RANBP2: variants seen among roughly 807,000 people sequenced by gnomAD.
The protein encoded by RANBP2 is RAN binding protein 2, also known as E3 SUMO-protein ligase RanBP2.
RANBP2 carries 57 observed loss-of-function variants against 303.6 expected under a neutral mutation model. That is an observed-to-expected ratio of 0.19 (90% CI 0.15 to 0.23). The LOEUF (loss-of-function observed/expected upper bound fraction) is 0.23, where lower values mean the gene tolerates loss of function less well. Among genes scored for constraint, RANBP2 ranks in the 10% least tolerant of loss-of-function variants. The pLI, the probability that RANBP2 is intolerant of heterozygous loss-of-function variation, is 1.00. For missense variants in RANBP2, 3,138 were observed against 3,780.8 expected, an observed-to-expected ratio of 0.83 and a Z score of 4.46; for synonymous variants, 1,167 against 1,301.5, an observed-to-expected ratio of 0.90 and a Z score of 2.23.
chr2:109,353,606 C>T, the RANBP2 span, among the ~76,000 whole-genome samples: 1 of 152,164 alleles, frequency 6.6e-6, no homozygotes, highest in Non-Finnish European at 1.5e-5. Flanking sequence ...GGCAGGCCTG[C>T]TGGGTGAGAG....
chr2:109,185,837 C>G, the RANBP2 span, among the ~76,000 whole-genome samples: 6 of 152,232 alleles, frequency 3.9e-5, no homozygotes, highest in Non-Finnish European at 7.3e-5. Context: ...AATGAGGCGA[C>G]AGTGTCTTGT....
the RANBP2 span, among the ~76,000 whole-genome samples, chr2:109,250,789 A>G: frequency 6.6e-6 from 1 of 151,952 alleles, no homozygotes; most frequent in Non-Finnish European, 1.5e-5. Flanking sequence ...AAGTGCTTCA[A>G]TAGGGAATTA....
chr2:109,125,169 A>T, the RANBP2 span, among the ~76,000 whole-genome samples: 3 of 151,988 alleles, frequency 2.0e-5, no homozygotes, highest in Non-Finnish European at 4.4e-5. Context: ...TGCTGCTGCC[A>T]GCCACCTGCC....
chr2:109,347,779 G>A, the RANBP2 span: 2 of 1,613,892 alleles, frequency 1.2e-6, no homozygotes, highest in Admixed American at 1.7e-5. Flanking sequence ...GCGGCGCAAG[G>A]TGGATGAACA....
the RANBP2 span, among the ~76,000 whole-genome samples, chr2:109,477,624 G>A: frequency 6.6e-6 from 1 of 151,986 alleles, no homozygotes; most frequent in Non-Finnish European, 1.5e-5. Flanking sequence ...GTGTGTGTGT[G>A]TGTGTGTGTG....
the RANBP2 span, among the ~76,000 whole-genome samples, chr2:109,240,878 ATC>A: frequency 2.6e-5 from 3 of 113,562 alleles, no homozygotes; most frequent in Non-Finnish European, 1.7e-5. Flanking sequence ...ACTTGATTCC[ATC>A]TCTCTCTCTC....
At chr2:109,395,675 G>C in the RANBP2 span, among the ~76,000 whole-genome samples, 1 of 152,200 alleles carries the variant, frequency 6.6e-6, no homozygotes, top group African/African-American at 2.4e-5. Context: ...GCAGTCACTT[G>C]TGAGCAGCCT....
At chr2:109,647,363 C>T in the RANBP2 span, among the ~76,000 whole-genome samples, 2 of 151,956 alleles carry the variant, frequency 1.3e-5, no homozygotes, top group East Asian at 1.9e-4. Context: ...GGGGTTTCAC[C>T]GTGTTGGCCA....
the RANBP2 span, among the ~76,000 whole-genome samples, chr2:109,412,383 G>T: frequency 1.3e-5 from 2 of 152,256 alleles, no homozygotes; most frequent in Non-Finnish European, 2.9e-5. Flanking sequence ...CGTGGCTCTG[G>T]CTGTGCTTTG....
the RANBP2 span, among the ~76,000 whole-genome samples, chr2:109,169,924 A>G: frequency 6.6e-6 from 1 of 152,194 alleles, no homozygotes; most frequent in Non-Finnish European, 1.5e-5. Context: ...ATTGAAGTGC[A>G]GAAGTATATG....
the RANBP2 span, among the ~76,000 whole-genome samples, chr2:109,255,386 C>T: frequency 2.6e-5 from 4 of 152,148 alleles, no homozygotes; most frequent in Non-Finnish European, 5.9e-5. Context: ...AACTTTACCA[C>T]CACCAGGGAA....
At chr2:108,815,090 T>C in the RANBP2 span, among the ~76,000 whole-genome samples, 1 of 152,152 alleles carries the variant, frequency 6.6e-6, no homozygotes, top group African/African-American at 2.4e-5. Flanking sequence ...TTATTTTACT[T>C]TTCATTTTGG....
the RANBP2 span, among the ~76,000 whole-genome samples, chr2:109,078,826 C>CAAAA: frequency 2.5e-3 from 264 of 105,430 alleles, 2 homozygotes; most frequent in African/African-American, 8.0e-3. Flanking sequence ...ACTAAAAATA[C>CAAAA]AAAAAAAAAA....
the RANBP2 span, among the ~76,000 whole-genome samples, chr2:109,035,344 C>CT: frequency 6.6e-6 from 1 of 152,116 alleles, no homozygotes; most frequent in South Asian, 2.1e-4. Context: ...GACACTCCCT[C>CT]TTACAGGTAA....
At chr2:108,956,587 G>T in the RANBP2 span, among the ~76,000 whole-genome samples, 1 of 152,304 alleles carries the variant, frequency 6.6e-6, no homozygotes, top group Admixed American at 6.5e-5. Flanking sequence ...CTGGTTAGAT[G>T]GTTGACTGAC....
At chr2:108,840,390 A>T in the RANBP2 span, among the ~76,000 whole-genome samples, 1 of 152,118 alleles carries the variant, frequency 6.6e-6, no homozygotes, top group African/African-American at 2.4e-5. Flanking sequence ...TTTCTGGGAG[A>T]AATTATGTAG....
chr2:109,219,796 G>A, the RANBP2 span, among the ~76,000 whole-genome samples: 2,222 of 152,310 alleles, frequency 0.015, 72 homozygotes, highest in African/African-American at 0.05. Flanking sequence ...AAGTGGAAAT[G>A]CATCTCTTGT....
At chr2:109,491,523 T>C in the RANBP2 span, among the ~76,000 whole-genome samples, 4 of 152,102 alleles carry the variant, frequency 2.6e-5, no homozygotes, top group African/African-American at 9.7e-5. Context: ...TCAGCCTAGG[T>C]TTTTACCGAT....
chr2:109,397,240 GCT>G, the RANBP2 span, among the ~76,000 whole-genome samples: 1 of 152,158 alleles, frequency 6.6e-6, no homozygotes, highest in Non-Finnish European at 1.5e-5. Flanking sequence ...CCTGCCCTGA[GCT>G]CTGTGCTCCT....
Sources: gnomAD v4.1 joint callset for allele counts (sites outside exome capture counted in the v4.1 genomes callset) on GRCh38, gnomAD v4.1.1 for gene constraint, MANE v1.5 for transcripts, NCBI Gene and HGNC (gene_info 2026-07-23, HGNC 2026-07-21) for gene names.